XDH: variants seen among roughly 807,000 people sequenced by gnomAD.
The protein encoded by XDH is xanthine dehydrogenase, also known as xanthine dehydrogenase/oxidase.
In XDH, 138 loss-of-function variants were observed where a neutral mutation model predicts 156.1. The observed-to-expected ratio is 0.88, with a 90% CI of 0.77 to 1.02. The LOEUF is 1.02. XDH is among the 50% of genes least tolerant of loss of function. The probability of loss-of-function intolerance (pLI) is 0.00; values close to 1 mark genes in which losing one functional copy is unlikely to be tolerated. For missense variants in XDH, 1,849 were observed against 1,684.9 expected, an observed-to-expected ratio of 1.10 and a Z score of -1.71; for synonymous variants, 669 against 625.7, an observed-to-expected ratio of 1.07 and a Z score of -1.03.
At chr2:31,364,465 C>A (rs558404454) in intron 23 of XDH, among the ~76,000 whole-genome samples, 1 of 151,996 alleles carries the variant, frequency 6.6e-6, no homozygotes, top group Non-Finnish European at 1.5e-5. Flanking sequence ...GCTCCCCACC[C>A]CTGGAAGCCC....
intron 4 of XDH, among the ~76,000 whole-genome samples, chr2:31,400,713 A>C (rs1358993830): frequency 6.6e-6 from 1 of 152,244 alleles, no homozygotes; most frequent in Non-Finnish European, 1.5e-5. Context: ...CTTATTTAGC[A>C]CTTGCTAACC....
intron 13 of XDH, among the ~76,000 whole-genome samples, chr2:31,378,114 G>GAA: frequency 3.1e-5 from 1 of 32,122 alleles, no homozygotes; most frequent in African/African-American, 1.1e-4. Flanking sequence ...AAGAAAGGAA[G>GAA]GAAGGAAGGA....
rs1201747376 is a variant in XDH, at chr2:31,388,303, G to A, written c.496-8C>T. The A allele has an allele frequency of 6.2e-7, 1 of 1,614,018 alleles. No homozygotes were observed. Among genetic ancestry groups the A allele is most frequent in the Non-Finnish European group, 8.5e-7 (1 of 1,179,900 alleles). ...TCCACAGCATCCACCATCCTAGAGAGATGATGAACATCTGCACAAGGGTAT... is the reference window on the plus strand; with the variant it reads ...TCCACAGCATCCACCATCCTAGAGAAATGATGAACATCTGCACAAGGGTAT... On this transcript the variant is annotated splice_region_variant and splice_polypyrimidine_tract_variant and intron_variant, in intron 6 of 35. Transcript: ENST00000379416.
At chr2:31,339,760 G>T in intron 33 of XDH, 83 bp from the exon 34 acceptor site, 1 of 1,540,722 alleles carries the variant, frequency 6.5e-7, no homozygotes, top group Non-Finnish European at 8.8e-7. Flanking sequence ...GACACAAAGC[G>T]CCAACTGCAG....
At chr2:31,340,690 G>C (rs748968301) in intron 33 of XDH, among the ~76,000 whole-genome samples, 13 of 152,024 alleles carry the variant, frequency 8.6e-5, no homozygotes, top group Non-Finnish European at 1.5e-4. Flanking sequence ...AGCTGGTCTC[G>C]AACTCCTGAT....
chr2:31,341,744 A>G (rs941632784), intron 32 of XDH, among the ~76,000 whole-genome samples: 1 of 152,186 alleles, frequency 6.6e-6, no homozygotes, highest in African/African-American at 2.4e-5. Context: ...GAGTCAATAT[A>G]CTACGTTCCA....
At chr2:31,403,261 C>G in intron 2 of XDH, 117 bp from the exon 3 acceptor site, 1 of 1,125,184 alleles carries the variant, frequency 8.9e-7, no homozygotes, top group Non-Finnish European at 1.3e-6. Context: ...GCTCAGGCCC[C>G]TCAACCAAGG....
At chr2:31,411,832 C>T (rs1220714858) in intron 1 of XDH, among the ~76,000 whole-genome samples, 1 of 152,182 alleles carries the variant, frequency 6.6e-6, no homozygotes, top group African/African-American at 2.4e-5. Flanking sequence ...AGTATATGGG[C>T]TCCAGAATGG....
Position 31,397,558 on chromosome 2 carries a change from T to G in XDH, c.495+110A>C, listed in dbSNP as rs1241975707. 6 of 1,334,180 alleles carry G rather than the reference T, an allele frequency of 4.5e-6. No homozygotes were observed. The East Asian group carries it at 1.4e-4, about 31-fold the overall frequency. The allele number at this position is 1,334,180 out of a possible 1,614,324, so 82.6% of individuals were successfully genotyped here. ...AGGGAAGACTCACTAACTGGTCATC[T>G]TATCATCATTGTTTGTAGACCAGAG... On this transcript the variant is annotated intron_variant, in intron 6 of 35. Coordinates refer to ENST00000379416, the MANE Select transcript of XDH (RefSeq NM_000379.4).
intron 34 of XDH, 102 bp downstream of exon 34, chr2:31,339,387 C>T: frequency 6.7e-7 from 1 of 1,501,396 alleles, no homozygotes; most frequent in Non-Finnish European, 9.2e-7. Context: ...AAGATATGCC[C>T]TTTGAAGTCC....
At chr2:31,358,184 G>T (rs1023169211) in intron 24 of XDH, among the ~76,000 whole-genome samples, 2 of 151,960 alleles carry the variant, frequency 1.3e-5, no homozygotes, top group African/African-American at 2.4e-5. Context: ...TGACCACATA[G>T]TTGGAAGTAA....
chr2:31,364,265 A>G (rs1685851154), intron 23 of XDH, 21 bp from the exon 24 acceptor site: 3 of 1,613,130 alleles, frequency 1.9e-6, no homozygotes, highest in Non-Finnish European at 8.5e-7. Context: ...GAGAAAGGAG[A>G]GGGATTTATC....
chr2:31,405,115 A>G (rs904884621), intron 2 of XDH, among the ~76,000 whole-genome samples: 15 of 152,160 alleles, frequency 9.9e-5, no homozygotes, highest in Admixed American at 5.2e-4. Flanking sequence ...CACACTAGCA[A>G]AAGGCAGGTC....
At chr2:31,342,132 T>C (rs749599481) in intron 32 of XDH, 51 bp downstream of exon 32, 15 of 1,510,174 alleles carry the variant, frequency 9.9e-6, no homozygotes, top group South Asian at 2.3e-5. Context: ...TACAACTCAG[T>C]TGTTTCTCTT....
chr2:31,405,648 C>A (rs981920555), intron 2 of XDH, among the ~76,000 whole-genome samples: 2 of 152,186 alleles, frequency 1.3e-5, no homozygotes, highest in African/African-American at 4.8e-5. Context: ...TTTCTACAGG[C>A]CCTGGATTAA....
At chr2:31,400,308 G>A (rs956413667) in intron 4 of XDH, among the ~76,000 whole-genome samples, 11 of 146,388 alleles carry the variant, frequency 7.5e-5, no homozygotes, top group Non-Finnish European at 1.3e-4. Flanking sequence ...GCACGATCTC[G>A]GCTCACTGCA....
Position 31,339,421 on chromosome 2 carries a change from C to T in XDH, c.3774+68G>A. ...CCCACCAGGTGGGTCACTGAGGCCT[C>T]TCATCACCCGCTGGGGCCTCCCCCA... On this transcript the variant is annotated intron_variant, in intron 34 of 35. Coordinates refer to ENST00000379416, the MANE Select transcript of XDH (RefSeq NM_000379.4). 1.9e-6 allele frequency: 3 copies of T among 1,608,734 alleles called. No individual in the cohort carries two copies. The South Asian group carries it at 3.3e-5, about 18-fold the overall frequency.
At chr2:31,412,544 A>T (rs780650960) in intron 1 of XDH, among the ~76,000 whole-genome samples, 1 of 152,158 alleles carries the variant, frequency 6.6e-6, no homozygotes, top group Non-Finnish European at 1.5e-5. Flanking sequence ...TGACGAGTTA[A>T]TGGGTGCAGC....
intron 24 of XDH, among the ~76,000 whole-genome samples, chr2:31,351,395 G>T (rs566129295): frequency 1.3e-5 from 2 of 151,738 alleles, no homozygotes; most frequent in South Asian, 4.2e-4. Context: ...TCCCTCCTGA[G>T]CTCTGCTTCC....
Sources: allele counts gnomAD v4.1 joint callset (sites outside exome capture counted in the v4.1 genomes callset), GRCh38; gene constraint gnomAD v4.1.1; transcripts MANE v1.5; gene names NCBI Gene and HGNC (gene_info 2026-07-23, HGNC 2026-07-21).